The following RBM20 variants were observed in gnomAD, a reference collection of about 807,000 sequenced individuals.
The protein encoded by RBM20 is RNA-binding protein 20.
In RBM20, 51 loss-of-function variants were observed where a neutral mutation model predicts 110.1. The observed-to-expected ratio is 0.46, with a 90% CI of 0.37 to 0.59. The LOEUF (loss-of-function observed/expected upper bound fraction) is 0.59, where lower values mean the gene tolerates loss of function less well. Ranked by LOEUF, RBM20 falls within the 20% of genes least tolerant of loss-of-function variation. RBM20 has a pLI of 0.00. For synonymous variants in RBM20, 589 were observed against 618.2 expected, an observed-to-expected ratio of 0.95 and a Z score of 0.70; for missense variants, 1,512 against 1,574.9, an observed-to-expected ratio of 0.96 and a Z score of 0.68.
intron 5 of RBM20, among the ~76,000 whole-genome samples, chr10:110,796,925 C>A (rs909128563): frequency 1.3e-5 from 2 of 152,156 alleles, no homozygotes; most frequent in African/African-American, 4.8e-5. Context: ...AATGTTCTTG[C>A]ACATGAGCCA....
At chr10:110,694,709 C>T (rs1243241538) in intron 1 of RBM20, among the ~76,000 whole-genome samples, 1 of 151,600 alleles carries the variant, frequency 6.6e-6, no homozygotes, top group Non-Finnish European at 1.5e-5. Context: ...AAACCACAGC[C>T]CTCTTGCTAA....
chr10:110,701,247 A>T (rs1564819508), intron 1 of RBM20, among the ~76,000 whole-genome samples: 1 of 148,702 alleles, frequency 6.7e-6, no homozygotes, highest in South Asian at 2.1e-4. Context: ...ATTGTGAAGA[A>T]TTTTTTTTTT....
At chr10:110,800,568 A>G (rs1564850426) in intron 7 of RBM20, among the ~76,000 whole-genome samples, 1 of 152,206 alleles carries the variant, frequency 6.6e-6, no homozygotes, top group Admixed American at 6.5e-5. Context: ...GTGAGATCTC[A>G]CAAATCCCGT....
chr10:110,756,250 C>T (rs1409671022), intron 1 of RBM20, among the ~76,000 whole-genome samples: 1 of 152,166 alleles, frequency 6.6e-6, no homozygotes, highest in Non-Finnish European at 1.5e-5. Context: ...GGATGGAAAC[C>T]TCTGATGCTA....
chr10:110,644,536 G>A lies in RBM20; in HGVS notation c.82G>A (p.Gly28Ser). Residue 28 changes from glycine (G) to serine (S), a missense_variant, in exon 1 of 14, where the codon GGT becomes AGT. Transcript: ENST00000369519. The surrounding 1 kb of genome is among the most constrained non-coding windows in gnomAD (Gnocchi z 4.3). ...QPDRVACSVP[G>S]ARASPAPSGP... ...GGACAGAGTTGCCTGCAGTGTGCCT[G>A]GTGCCCGGGCGTCCCCGGCACCCTC... is the stretch of plus-strand genomic sequence containing the variant. 3.9e-6 allele frequency: 6 copies of A among 1,528,256 alleles called. No individual in the cohort carries two copies. The highest frequency in any genetic ancestry group is 5.3e-6 in the Non-Finnish European group (6 of 1,140,888). 94.7% of individuals were successfully genotyped at this position (1,528,256 alleles called of 1,614,324 possible).
chr10:110,688,386 A>G (rs1258501235), intron 1 of RBM20, among the ~76,000 whole-genome samples: 1 of 152,162 alleles, frequency 6.6e-6, no homozygotes, highest in African/African-American at 2.4e-5. Flanking sequence ...ACTGGGTTCA[A>G]AGTCTAGCAC....
At chr10:110,811,507 G>T (rs1844767149) in intron 8 of RBM20, among the ~76,000 whole-genome samples, 1 of 152,154 alleles carries the variant, frequency 6.6e-6, no homozygotes, top group African/African-American at 2.4e-5. Flanking sequence ...TTAAAGACGT[G>T]TAAAGCCACA....
rs1844982248 is a variant in RBM20, at chr10:110,826,478, T to C, written c.3451+2864T>C. ...TTAGTTTGCATTTTCTAGAGTTTTA[T>C]ATAAAGGGAATCATATTGTATGTGC... On this transcript the variant is annotated intron_variant, in intron 12 of 13. Coordinates refer to ENST00000369519, the MANE Select transcript of RBM20 (RefSeq NM_001134363.3). Among the ~76,000 whole-genome samples the C allele has an allele frequency of 2.0e-5, 3 of 152,220 alleles. No individual in the cohort carries two copies. In the South Asian group the frequency reaches 6.2e-4, roughly 32 times the overall value.
At chr10:110,806,294 A>G (rs1408644874) in intron 7 of RBM20, among the ~76,000 whole-genome samples, 3 of 152,092 alleles carry the variant, frequency 2.0e-5, no homozygotes, top group Admixed American at 1.3e-4. Context: ...ACTACCTGAA[A>G]CTGGGTAATT....
intron 1 of RBM20, among the ~76,000 whole-genome samples, chr10:110,677,325 C>CTT (rs34113399): frequency 6.7e-6 from 1 of 149,902 alleles, no homozygotes; most frequent in Non-Finnish European, 1.5e-5. Flanking sequence ...TTTCTTTTTT[C>CTT]TTTTTTTTTT....
At chr10:110,767,230 C>G (rs1251795257) in intron 1 of RBM20, among the ~76,000 whole-genome samples, 1 of 141,086 alleles carries the variant, frequency 7.1e-6, no homozygotes, top group Admixed American at 6.8e-5. Context: ...CCCCCACCTC[C>G]CTCCCGGACG....
chr10:110,768,112 C>T (rs914263912), intron 1 of RBM20, among the ~76,000 whole-genome samples: 2 of 152,212 alleles, frequency 1.3e-5, no homozygotes, highest in Non-Finnish European at 2.9e-5. Context: ...CGCCTGCAAT[C>T]GCAGGCACTC....
chr10:110,670,973 A>G (rs1295586806), intron 1 of RBM20, among the ~76,000 whole-genome samples: 1 of 152,192 alleles, frequency 6.6e-6, no homozygotes, highest in Non-Finnish European at 1.5e-5. Flanking sequence ...CTTTTCTTGC[A>G]GTTGCATCCT....
Position 110,821,898 on chromosome 10 carries a change from C to A in RBM20, c.3279C>A (p.Asp1093Glu). 3 of 1,551,740 alleles carry A rather than the reference C, an allele frequency of 1.9e-6. No homozygotes were observed. Among genetic ancestry groups the A allele is most frequent in the Non-Finnish European group, 2.6e-6 (3 of 1,146,998 alleles). ...EEKASPPIET[D>E]LQNQACQEVL... ...AAGCCAGCCCCCCCATCGAAACTGA[C>A]CTCCAAAACCAAGCTTGCCAAGAAG... is the stretch of plus-strand genomic sequence containing the variant. The change falls in exon 11 of 14, where the codon GAC (aspartate) becomes GAA (glutamate). Residue 1093 changes from aspartate (D) to glutamate (E), a missense_variant. Asp to Glu is a conservative substitution (Grantham distance 45). Around this residue, in one of 3 missense-constraint regions of RBM20, gnomAD observed 358 missense variants for 384.2 expected, o/e 0.93. Coordinates refer to ENST00000369519, the MANE Select transcript of RBM20 (RefSeq NM_001134363.3).
chr10:110,806,612 G>A (rs1844698858), intron 7 of RBM20, among the ~76,000 whole-genome samples: 3 of 152,184 alleles, frequency 2.0e-5, no homozygotes, highest in African/African-American at 7.2e-5. Flanking sequence ...AATTGAACAT[G>A]AGATTTGGGT....
At chr10:110,676,791 AT>A (rs34786813) in intron 1 of RBM20, among the ~76,000 whole-genome samples, 104,023 of 151,982 alleles carry the variant, frequency 0.68, 37,738 homozygotes, top group Non-Finnish European at 0.8. Flanking sequence ...AACAAATGCT[AT>A]TTTTTTTGCT....
chr10:110,761,097 CAAAAAAA>C (rs201013581), intron 1 of RBM20: 31 of 76,670 alleles, frequency 4.0e-4, no homozygotes, highest in Non-Finnish European at 5.1e-4. Flanking sequence ...GACTCCATCT[CAAAAAAA>C]AAAAAAAAAA....
intron 1 of RBM20, among the ~76,000 whole-genome samples, chr10:110,667,210 C>A (rs1220435852): frequency 6.6e-6 from 1 of 152,190 alleles, no homozygotes; most frequent in Non-Finnish European, 1.5e-5. Context: ...AAGAAGACTG[C>A]AGTGCATTCA....
At chr10:110,690,821 G>A (rs1025141165) in intron 1 of RBM20, among the ~76,000 whole-genome samples, 6 of 152,000 alleles carry the variant, frequency 3.9e-5, no homozygotes, top group African/African-American at 1.4e-4. Context: ...CAGAAGCATC[G>A]TTTTCACCTT....
Sources: gnomAD v4.1 joint callset for allele counts (sites outside exome capture counted in the v4.1 genomes callset) on GRCh38, gnomAD v4.1.1 for gene constraint, gnomAD v4.1.1 regional missense constraint, Gnocchi (gnomAD v3.1) non-coding constraint, MANE v1.5 for transcripts, NCBI Gene and HGNC (gene_info 2026-07-23, HGNC 2026-07-21) for gene names.